Variants in IL1RAP observed in about 807,000 individuals in gnomAD.
IL1RAP encodes interleukin-1 receptor accessory protein.
Under a neutral mutation model 60.7 loss-of-function variants are expected in IL1RAP, and 35 were observed. That is an observed-to-expected ratio of 0.58 (90% CI 0.44 to 0.76). IL1RAP has a LOEUF of 0.76. IL1RAP is among the 30% of genes least tolerant of loss of function. The pLI is 0.00. For missense variants in IL1RAP, 572 were observed against 693.9 expected (o/e 0.82, Z 1.97); for synonymous variants, 268 against 250.9 (o/e 1.07, Z -0.64).
intron 9 of IL1RAP, chr3:190,629,717 A>G: frequency 8.0e-7 from 1 of 1,242,530 alleles, no homozygotes; most frequent in Non-Finnish European, 1.0e-6. Context: ...TAATGCCCAA[A>G]TGTAGCTAAA....
chr3:190,622,364 T>G (rs1044621903), intron 6 of IL1RAP, among the ~76,000 whole-genome samples: 6 of 152,376 alleles, frequency 3.9e-5, no homozygotes, highest in Non-Finnish European at 7.3e-5. Context: ...TCACCTTTTC[T>G]GAGGACATTA....
chr3:190,540,425 C>T (rs1723829746), intron 1 of IL1RAP, among the ~76,000 whole-genome samples: 2 of 152,026 alleles, frequency 1.3e-5, no homozygotes, highest in South Asian at 4.1e-4. Flanking sequence ...TTACAAAATC[C>T]TTTTTATGAA....
chr3:190,557,885 G>A (rs563351334), intron 2 of IL1RAP, among the ~76,000 whole-genome samples: 2 of 152,142 alleles, frequency 1.3e-5, no homozygotes, highest in East Asian at 3.9e-4. Flanking sequence ...GTGACAAACA[G>A]GATACAAAAC....
Position 190,648,673 on chromosome 3 carries a change from G to A in IL1RAP, c.1681G>A (p.Gly561Ser). 1.2e-6 allele frequency: 2 copies of A among 1,613,312 alleles called. No individual in the cohort carries two copies. Among genetic ancestry groups the A allele is most frequent in the Non-Finnish European group, 1.7e-6 (2 of 1,179,752 alleles). The part of the protein sequence containing the change: ...SPRRSSSDEQ[G>S]LSYSSLKNV ...CAGGCGGTCTAGCAGTGATGAGCAG[G>A]GCCTCTCGTATTCATCTTTGAAAAA... is the stretch of plus-strand genomic sequence containing the variant. The change falls in exon 12 of 12, where the codon GGC (glycine) becomes AGC (serine). Residue 561 changes from glycine (G) to serine (S), a missense_variant. By Grantham distance (56) the Gly-to-Ser change is moderately conservative. Transcript: ENST00000447382.
At chr3:190,612,904 G>A (rs1385667642) in intron 5 of IL1RAP, among the ~76,000 whole-genome samples, 2 of 152,130 alleles carry the variant, frequency 1.3e-5, no homozygotes, top group Admixed American at 6.6e-5. Flanking sequence ...CATAAGTTAA[G>A]GAATATCTGT....
chr3:190,636,926 T>C (rs1375961266), intron 9 of IL1RAP, among the ~76,000 whole-genome samples: 1 of 152,198 alleles, frequency 6.6e-6, no homozygotes, highest in African/African-American at 2.4e-5. Context: ...TTTTTTGAGC[T>C]TTTGGCTCTT....
intron 1 of IL1RAP, 56 bp from the exon 2 acceptor site, chr3:190,556,074 C>T (rs1725404095): frequency 6.6e-6 from 1 of 152,026 alleles, no homozygotes; most frequent in Admixed American, 6.6e-5. Context: ...TACAGAAGCA[C>T]AACATATTGA....
chr3:190,530,239 T>G (rs6763309), intron 1 of IL1RAP, among the ~76,000 whole-genome samples: 6,042 of 152,204 alleles, frequency 0.04, 400 homozygotes, highest in African/African-American at 0.14. Flanking sequence ...CACTATTTTT[T>G]GGGGACCTTA....
At chr3:190,543,067 T>C (rs1186295701) in intron 1 of IL1RAP, among the ~76,000 whole-genome samples, 1 of 152,072 alleles carries the variant, frequency 6.6e-6, no homozygotes, top group Non-Finnish European at 1.5e-5. Context: ...AACTCTGTTG[T>C]TCAGTGTCAC....
At chr3:190,646,642 T>G (rs930218160) in intron 11 of IL1RAP, among the ~76,000 whole-genome samples, 3 of 152,220 alleles carry the variant, frequency 2.0e-5, no homozygotes, top group Non-Finnish European at 4.4e-5. Context: ...CCAAACCCAC[T>G]GTTAAACTTT....
chr3:190,648,495 A>G lies in IL1RAP; in HGVS notation c.1503A>G (p.Val501=), dbSNP rs754905893. 6.2e-6 allele frequency: 10 copies of G among 1,613,980 alleles called. No homozygotes were observed. In the Admixed American group the frequency reaches 6.7e-5, roughly 11 times the overall value. ...GGGGCAACATCAACGTCATTTTAGTACAGTACAAAGCTGTGAAGGAAACGA... is the reference window on the plus strand; with the variant it reads ...GGGGCAACATCAACGTCATTTTAGTGCAGTACAAAGCTGTGAAGGAAACGA... ...ASRGNINVIL[V]QYKAVKETKV... is the part of the protein sequence containing the mutation. Residue 501 remains valine (V), a synonymous_variant, in exon 12 of 12, where the codon GTA becomes GTG. Transcript: ENST00000447382.
At chr3:190,593,642 C>T (rs1440426158) in intron 3 of IL1RAP, among the ~76,000 whole-genome samples, 2 of 151,962 alleles carry the variant, frequency 1.3e-5, no homozygotes, top group Non-Finnish European at 2.9e-5. Flanking sequence ...CAGGGGTACT[C>T]TCCTTTATAA....
intron 3 of IL1RAP, among the ~76,000 whole-genome samples, chr3:190,582,274 T>C (rs1351076481): frequency 6.6e-6 from 1 of 152,054 alleles, no homozygotes; most frequent in African/African-American, 2.4e-5. Context: ...TTAAGTATTA[T>C]CCTAGTCCAA....
chr3:190,561,393 A>C (rs1304260162), intron 2 of IL1RAP, among the ~76,000 whole-genome samples: 2 of 152,146 alleles, frequency 1.3e-5, no homozygotes, highest in Non-Finnish European at 2.9e-5. Flanking sequence ...ATTCTAATTC[A>C]TCACAGGGCA....
At chr3:190,613,561 CAG>C (rs1272746140) in intron 5 of IL1RAP, among the ~76,000 whole-genome samples, 2 of 152,106 alleles carry the variant, frequency 1.3e-5, no homozygotes, top group Non-Finnish European at 2.9e-5. Flanking sequence ...GAGAAGGAGA[CAG>C]AAAAAGTCAC....
chr3:190,648,723 G>A lies in IL1RAP; in HGVS notation c.*18G>A. 3.1e-6 allele frequency: 5 copies of A among 1,590,854 alleles called. No homozygotes were observed. The highest frequency in any genetic ancestry group is 1.1e-5 in the South Asian group (1 of 86,990). Reference sequence around the variant, plus strand: ...ATGTATGAAAGGAATAATGAAAAGGGTAAAAAGAACAAGGGGTGCTCCAGG... The same window carrying A: ...ATGTATGAAAGGAATAATGAAAAGGATAAAAAGAACAAGGGGTGCTCCAGG... On this transcript the variant is annotated 3_prime_UTR_variant, in exon 12 of 12. Transcript: ENST00000447382.
intron 3 of IL1RAP, among the ~76,000 whole-genome samples, chr3:190,584,536 A>AT (rs1162424319): frequency 1.3e-5 from 2 of 152,200 alleles, no homozygotes; most frequent in Non-Finnish European, 2.9e-5. Flanking sequence ...GCTATTTTCC[A>AT]TTTTTTAAAA....
At position 190,650,682 on chromosome 3, in the gene IL1RAP, G is replaced by A. The variant is rs1734341044; in HGVS notation, c.*1977G>A. ...AAGTTTCACTTGGATGAAAAAAGTA[G>A]AAAAGTAGGTCATTCTTGGATCTAC... On this transcript the variant is annotated 3_prime_UTR_variant, in exon 12 of 12. Coordinates refer to ENST00000447382, the MANE Select transcript of IL1RAP (RefSeq NM_002182.4). The A allele has an allele frequency of 1.0e-6, 1 of 958,312 alleles. No individual in the cohort carries two copies. Among genetic ancestry groups the A allele is most frequent in the Non-Finnish European group, 1.2e-6 (1 of 805,304 alleles). The allele number at this position is 958,312 out of a possible 1,614,324, so 59.4% of individuals were successfully genotyped here.
intron 1 of IL1RAP, among the ~76,000 whole-genome samples, chr3:190,542,228 A>G (rs927196636): frequency 2.0e-5 from 3 of 152,142 alleles, no homozygotes; most frequent in Admixed American, 6.5e-5. Flanking sequence ...CACTTCATAT[A>G]TTTTGTTTTA....
Sources: allele counts gnomAD v4.1 joint callset (sites outside exome capture counted in the v4.1 genomes callset), GRCh38; gene constraint gnomAD v4.1.1; transcripts MANE v1.5; gene names NCBI Gene and HGNC (gene_info 2026-07-23, HGNC 2026-07-21).